FSTL1: variants seen among roughly 807,000 people sequenced by gnomAD.
FSTL1 encodes the protein follistatin like 1.
Under a neutral mutation model 45.9 loss-of-function variants are expected in FSTL1, and 24 were observed. The ratio of observed to expected loss-of-function variants is 0.52; its 90% CI spans 0.38 to 0.74. The LOEUF (loss-of-function observed/expected upper bound fraction) is 0.74, where lower values mean the gene tolerates loss of function less well. Ranked by LOEUF, FSTL1 falls within the 30% of genes least tolerant of loss-of-function variation. The pLI is 0.00. For synonymous variants in FSTL1, 120 were observed against 137.6 expected, an observed-to-expected ratio of 0.87 and a Z score of 0.89; for missense variants, 340 against 381.8, an observed-to-expected ratio of 0.89 and a Z score of 0.91.
intron 2 of FSTL1, among the ~76,000 whole-genome samples, chr3:120,428,197 C>T (rs1185469310): frequency 6.6e-6 from 1 of 152,186 alleles, no homozygotes; most frequent in African/African-American, 2.4e-5. Flanking sequence ...CTAGGCTGAC[C>T]TTGCAGTGGG....
At chr3:120,400,023 G>T (rs550670030) in intron 9 of FSTL1, 64 bp from the exon 10 acceptor site, 50 of 1,031,052 alleles carry the variant, frequency 4.8e-5, no homozygotes, top group Non-Finnish European at 7.2e-5. Context: ...AATCCGCCAA[G>T]ATCTACCTAG....
intron 10 of FSTL1, among the ~76,000 whole-genome samples, chr3:120,397,206 A>G (rs1222593817): frequency 6.6e-6 from 1 of 152,202 alleles, no homozygotes; most frequent in Non-Finnish European, 1.5e-5. Flanking sequence ...TGTTTACTGA[A>G]TTAAGCTGAC....
intron 3 of FSTL1, among the ~76,000 whole-genome samples, chr3:120,415,618 G>T (rs1015508926): frequency 2.0e-5 from 3 of 152,190 alleles, no homozygotes; most frequent in African/African-American, 7.2e-5. Context: ...CAGACTAAGG[G>T]ATTGAAGGGT....
At position 120,411,962 on chromosome 3, in the gene FSTL1, G is replaced by C. The variant is rs374114238; in HGVS notation, c.190C>G (p.Pro64Ala). ...CIEQCKPHKRPVCGSNGKTYL... is the reference protein window; with the variant it reads ...CIEQCKPHKRAVCGSNGKTYL... ...GTCTTGCCATTACTGCCACACACAGGCCTCTTGTGAGGTTTGCATTGCTGA... is the reference window on the plus strand; with the variant it reads ...GTCTTGCCATTACTGCCACACACAGCCCTCTTGTGAGGTTTGCATTGCTGA... Residue 64 changes from proline (P) to alanine (A), a missense_variant, in exon 4 of 11, where the codon CCT becomes GCT. Pro to Ala is a conservative substitution (Grantham distance 27, BLOSUM62 -1). Coordinates refer to ENST00000295633, the MANE Select transcript of FSTL1 (RefSeq NM_007085.5). 177 of 1,612,248 alleles carry C rather than the reference G, an allele frequency of 1.1e-4. No individual in the cohort carries two copies. Among genetic ancestry groups the C allele is most frequent in the Admixed American group, 3.2e-4 (19 of 59,920 alleles).
At chr3:120,412,068 C>T in intron 3 of FSTL1, 85 bp from the exon 4 acceptor site, 1 of 992,330 alleles carries the variant, frequency 1.0e-6, no homozygotes, top group South Asian at 1.6e-5. Context: ...CACACACACA[C>T]ACAGAGCCAT....
At chr3:120,414,853 C>A (rs945019161) in intron 3 of FSTL1, among the ~76,000 whole-genome samples, 2 of 151,210 alleles carry the variant, frequency 1.3e-5, no homozygotes, top group African/African-American at 4.8e-5. Flanking sequence ...ACAAACACTG[C>A]GGAAGGCCGC....
intron 2 of FSTL1, among the ~76,000 whole-genome samples, chr3:120,430,142 T>C (rs978037649): frequency 6.6e-6 from 1 of 152,230 alleles, no homozygotes; most frequent in Admixed American, 6.5e-5. Context: ...ATTATGAGCA[T>C]GTGGTTCAGC....
At chr3:120,433,297 C>A (rs979922552) in intron 2 of FSTL1, among the ~76,000 whole-genome samples, 5 of 152,318 alleles carry the variant, frequency 3.3e-5, no homozygotes, top group African/African-American at 1.2e-4. Context: ...ATTAAGCAAG[C>A]CCAGCACTAC....
intron 2 of FSTL1, among the ~76,000 whole-genome samples, chr3:120,420,018 T>A (rs1879434): frequency 0.099 from 15,095 of 152,186 alleles, 1,320 homozygotes; most frequent in African/African-American, 0.21. Context: ...TAGTGAGAGC[T>A]GACTCAGGAA....
chr3:120,426,115 AT>A (rs1325239192), intron 2 of FSTL1, among the ~76,000 whole-genome samples: 1 of 152,124 alleles, frequency 6.6e-6, no homozygotes, highest in Admixed American at 6.5e-5. Flanking sequence ...TCATGCTCTA[AT>A]TATTTCCACA....
At chr3:120,438,134 A>G (rs1224754475) in intron 2 of FSTL1, 1 of 152,248 alleles carries the variant, frequency 6.6e-6, no homozygotes, top group African/African-American at 2.4e-5. Flanking sequence ...AGCCATTTGC[A>G]ATACTGCATC....
intron 2 of FSTL1, among the ~76,000 whole-genome samples, chr3:120,449,225 C>T (rs1343280839): frequency 1.3e-5 from 2 of 152,222 alleles, no homozygotes; most frequent in East Asian, 3.8e-4. Context: ...ACCTAATCTC[C>T]TTAAACCTGT....
At chr3:120,409,863 G>C (rs1937018527) in intron 5 of FSTL1, 1 of 404,796 alleles carries the variant, frequency 2.5e-6, no homozygotes, top group East Asian at 3.8e-5. Flanking sequence ...TAAAATATTT[G>C]TAAAGATTGA....
intron 2 of FSTL1, among the ~76,000 whole-genome samples, chr3:120,444,504 C>G (rs1937695269): frequency 6.7e-6 from 1 of 149,594 alleles, no homozygotes. Context: ...ATTTACCACC[C>G]CACCTTTTTC....
At chr3:120,421,162 T>C (rs1160555719) in intron 2 of FSTL1, 1 of 152,216 alleles carries the variant, frequency 6.6e-6, no homozygotes, top group Non-Finnish European at 1.5e-5. Context: ...AGGAAGCTTA[T>C]AAGCAAAGCC....
chr3:120,440,630 G>A (rs1352152610), intron 2 of FSTL1, among the ~76,000 whole-genome samples: 1 of 152,220 alleles, frequency 6.6e-6, no homozygotes, highest in African/African-American at 2.4e-5. Flanking sequence ...CACTAACTCA[G>A]TGCCTAACAG....
In FSTL1 at chr3:120,392,959, A is replaced by G. The variant is rs1305827081; in HGVS notation, c.*3993T>C. 6.6e-6 allele frequency: 1 copy of G among 152,220 alleles called. No individual in the cohort carries two copies. The highest frequency in any genetic ancestry group is 2.4e-5 in the African/African-American group (1 of 41,458). The allele number at this position is 152,220 out of a possible 1,614,324, so 9.4% of individuals were successfully genotyped here. ...ATTAAATTTTGATGAAAGGAAACTTAGCTTCTGAATTATGCTTAGTTTAAT... is the reference window on the plus strand; with the variant it reads ...ATTAAATTTTGATGAAAGGAAACTTGGCTTCTGAATTATGCTTAGTTTAAT... On this transcript the variant is annotated 3_prime_UTR_variant, in exon 11 of 11. Transcript: ENST00000295633.
intron 6 of FSTL1, among the ~76,000 whole-genome samples, chr3:120,407,246 T>G (rs1263790838): frequency 2.0e-5 from 3 of 152,220 alleles, no homozygotes; most frequent in African/African-American, 7.2e-5. Flanking sequence ...TCAGAGGAGA[T>G]GGGCTGAGAC....
Position 120,450,884 on chromosome 3 carries a change from G to A in FSTL1, c.-1+13C>T. The A allele has an allele frequency of 1.8e-6, 1 of 565,310 alleles. No homozygotes were observed. 35.0% of individuals were successfully genotyped at this position (565,310 alleles called of 1,614,324 possible). A position where few individuals can be genotyped will look rare whatever the true frequency, so the allele number is the denominator to read the frequency against. On this transcript the variant is annotated intron_variant, in intron 1 of 10. Transcript: ENST00000295633. ...GAAGAGTCCGGCCTCCGCGCCGTGC[G>A]CCCTGCGCTCACCGTGGTCTGGTCC...
Sources: allele counts gnomAD v4.1 joint callset (sites outside exome capture counted in the v4.1 genomes callset), GRCh38; gene constraint gnomAD v4.1.1; transcripts MANE v1.5; gene names NCBI Gene and HGNC (gene_info 2026-07-23, HGNC 2026-07-21).